The following CYFIP1 variants were observed in gnomAD, a reference collection of about 807,000 sequenced individuals.
The protein encoded by CYFIP1 is cytoplasmic FMR1-interacting protein 1.
CYFIP1 carries 58 observed loss-of-function variants against 163.5 expected under a neutral mutation model. That is an observed-to-expected ratio of 0.35 (90% CI 0.29 to 0.44). The LOEUF is 0.44. CYFIP1 is among the 20% of genes least tolerant of loss of function. The probability of loss-of-function intolerance (pLI) is 1.00; values close to 1 mark genes in which losing one functional copy is unlikely to be tolerated. For missense variants in CYFIP1, 1,338 were observed against 1,653.8 expected, an observed-to-expected ratio of 0.81 and a Z score of 3.31; for synonymous variants, 663 against 660.7, an observed-to-expected ratio of 1.00 and a Z score of -0.05.
At chr15:22,933,408 A>G (rs2061602508) in intron 10 of CYFIP1, among the ~76,000 whole-genome samples, 2 of 149,458 alleles carry the variant, frequency 1.3e-5, no homozygotes, top group Non-Finnish European at 3.0e-5. Context: ...TCCGCCTCCC[A>G]GGTTCATGCC....
chr15:22,962,834 C>T (rs990851422), intron 1 of CYFIP1, among the ~76,000 whole-genome samples: 6 of 152,306 alleles, frequency 3.9e-5, no homozygotes, highest in East Asian at 1.9e-4. Context: ...CGCTGCCAGG[C>T]GGTGCTCCTG....
At chr15:22,921,255 C>A (rs1199606518) in intron 13 of CYFIP1, among the ~76,000 whole-genome samples, 1 of 151,908 alleles carries the variant, frequency 6.6e-6, no homozygotes, top group Non-Finnish European at 1.5e-5. Flanking sequence ...GTAGTCCCAG[C>A]TACTTGGGAG....
chr15:22,882,663 G>C (rs753832599), intron 24 of CYFIP1, among the ~76,000 whole-genome samples: 1 of 152,146 alleles, frequency 6.6e-6, no homozygotes, highest in African/African-American at 2.4e-5. Context: ...AAAACTCTGC[G>C]TATCAGTTAA....
At position 22,914,605 on chromosome 15, in the gene CYFIP1, C is replaced by T. The variant is rs947571682; in HGVS notation, c.1985+121G>A. 2.8e-6 allele frequency: 3 copies of T among 1,075,600 alleles called. 1 individual carries two copies. Among genetic ancestry groups the T allele is most frequent in the Non-Finnish European group, 3.8e-6 (3 of 782,854 alleles). 66.6% of individuals were successfully genotyped at this position (1,075,600 alleles called of 1,614,324 possible). A position where few individuals can be genotyped will look rare whatever the true frequency, so the allele number is the denominator to read the frequency against. Reference sequence around the variant, plus strand: ...GAGACTGGGGTCTTGCTATTTTGCCCAGGCCCAGAAACTTGATTTCAAATA... The same window carrying T: ...GAGACTGGGGTCTTGCTATTTTGCCTAGGCCCAGAAACTTGATTTCAAATA... On this transcript the variant is annotated intron_variant, in intron 17 of 30. Coordinates refer to ENST00000617928, the MANE Select transcript of CYFIP1 (RefSeq NM_014608.6).
chr15:22,927,933 C>T lies in CYFIP1; in HGVS notation c.1206G>A (p.Ser402=), dbSNP rs764111168. The change falls in exon 12 of 31, where the codon TCG becomes TCA. Residue 402 remains serine, a synonymous_variant. Transcript: ENST00000617928. ...CTTCCATCACGTGCGCGCTCCACTG[C>T]GACAACAGCTGCAGGCCCTGCAGCG... The part of the protein sequence containing the change: ...DLALQGLQLL[S]QWSAHVMEVY... The T allele has an allele frequency of 3.7e-6, 6 of 1,606,340 alleles. No individual in the cohort carries two copies. The East Asian group carries it at 6.8e-5, about 18-fold the overall frequency.
chr15:22,884,805 C>T (rs1229579073), intron 23 of CYFIP1, among the ~76,000 whole-genome samples: 1 of 152,190 alleles, frequency 6.6e-6, no homozygotes, highest in Non-Finnish European at 1.5e-5. Context: ...GGCATTTCCA[C>T]ATGTCCTTTG....
intron 22 of CYFIP1, among the ~76,000 whole-genome samples, chr15:22,902,461 C>T (rs2060426135): frequency 6.6e-6 from 1 of 152,250 alleles, no homozygotes; most frequent in Non-Finnish European, 1.5e-5. Context: ...AAGGAAACCT[C>T]TGGGGAGTTC....
chr15:22,903,623 A>G (rs991093913), intron 22 of CYFIP1, 83 bp downstream of exon 22: 1 of 1,405,890 alleles, frequency 7.1e-7, no homozygotes, highest in Non-Finnish European at 1.0e-6. Context: ...GGAGACAGGG[A>G]CCTGGTGACA....
chr15:22,943,119 C>A, intron 6 of CYFIP1, 54 bp downstream of exon 6: 2 of 1,560,700 alleles, frequency 1.3e-6, no homozygotes, highest in South Asian at 2.3e-5. Flanking sequence ...ACAAGGCAGG[C>A]CACTGAGCTG....
At chr15:22,958,524 G>C (rs1027335338) in intron 1 of CYFIP1, among the ~76,000 whole-genome samples, 2 of 152,238 alleles carry the variant, frequency 1.3e-5, no homozygotes, top group East Asian at 3.8e-4. Flanking sequence ...AGTGTGCCAA[G>C]GAACCCTGAA....
intron 1 of CYFIP1, among the ~76,000 whole-genome samples, chr15:22,972,833 T>C (rs35717793): frequency 0.36 from 55,130 of 151,836 alleles, 11,299 homozygotes; most frequent in Admixed American, 0.54. Context: ...TGGTGAAACC[T>C]TATTTCTACA....
intron 1 of CYFIP1, among the ~76,000 whole-genome samples, chr15:22,954,131 A>G (rs1029644193): frequency 2.0e-5 from 3 of 152,152 alleles, no homozygotes; most frequent in African/African-American, 7.2e-5. Context: ...GGACAGGTAC[A>G]TTGATGTCCA....
chr15:22,910,271 T>C (rs575799139), intron 20 of CYFIP1, among the ~76,000 whole-genome samples: 1 of 152,080 alleles, frequency 6.6e-6, no homozygotes, highest in Non-Finnish European at 1.5e-5. Flanking sequence ...GGCGATTCTC[T>C]TGCCTCAGCA....
At position 22,867,144 on chromosome 15, in the gene CYFIP1, A is replaced by G; in HGVS notation, c.*2884T>C. The G allele has an allele frequency of 4.4e-6, 2 of 450,638 alleles. No individual in the cohort carries two copies. The highest frequency in any genetic ancestry group is 3.8e-5 in the Admixed American group (1 of 25,978). The allele number at this position is 450,638 out of a possible 1,614,324, so 27.9% of individuals were successfully genotyped here. ...ACTAATGACAGTTTTAAGTCTATGAAAATGCTTTATTTTTTCATTGGTGAT... is the reference window on the plus strand; with the variant it reads ...ACTAATGACAGTTTTAAGTCTATGAGAATGCTTTATTTTTTCATTGGTGAT... On this transcript the variant is annotated 3_prime_UTR_variant, in exon 31 of 31. Coordinates refer to ENST00000617928, the MANE Select transcript of CYFIP1 (RefSeq NM_014608.6).
At chr15:22,893,006 A>C in intron 22 of CYFIP1, 29 bp from the exon 23 acceptor site, 1 of 1,536,180 alleles carries the variant, frequency 6.5e-7, no homozygotes, top group Non-Finnish European at 9.0e-7. Flanking sequence ...AAAAAGAAAA[A>C]GAAACCAAAT....
intron 17 of CYFIP1, 141 bp downstream of exon 17, chr15:22,914,585 T>C: frequency 1.3e-6 from 1 of 784,368 alleles, no homozygotes; most frequent in Non-Finnish European, 1.9e-6. Context: ...TTGTAGAGAC[T>C]GGGGTCTTGC....
chr15:22,908,243 A>G (rs1327245417), intron 21 of CYFIP1, among the ~76,000 whole-genome samples: 1 of 152,178 alleles, frequency 6.6e-6, no homozygotes, highest in African/African-American at 2.4e-5. Context: ...ACATACCAGG[A>G]AAGCAGAGAA....
intron 1 of CYFIP1, among the ~76,000 whole-genome samples, chr15:22,976,865 A>C (rs2063299597): frequency 6.6e-6 from 1 of 152,208 alleles, no homozygotes; most frequent in African/African-American, 2.4e-5. Flanking sequence ...TTGACTTTGC[A>C]TGTATCTCCC....
intron 13 of CYFIP1, among the ~76,000 whole-genome samples, chr15:22,920,312 G>A (rs945989098): frequency 6.6e-6 from 1 of 151,720 alleles, no homozygotes; most frequent in Non-Finnish European, 1.5e-5. Context: ...CTATAAGCAT[G>A]CACTACCATG....
Sources: gnomAD v4.1 joint callset for allele counts (sites outside exome capture counted in the v4.1 genomes callset) on GRCh38, gnomAD v4.1.1 for gene constraint, MANE v1.5 for transcripts, NCBI Gene and HGNC (gene_info 2026-07-23, HGNC 2026-07-21) for gene names.